Variants in TXNDC16 observed in about 807,000 individuals in gnomAD.
TXNDC16 encodes the protein thioredoxin domain-containing protein 16.
A neutral mutation model predicts 85.6 loss-of-function variants in TXNDC16; 74 were observed. That is an observed-to-expected ratio of 0.86 (90% CI 0.72 to 1.05). The LOEUF is 1.05. Ranked by LOEUF, TXNDC16 falls within the 50% of genes least tolerant of loss-of-function variation. The pLI is 0.00. For missense variants in TXNDC16, 959 were observed against 947.0 expected (o/e 1.01, Z -0.17); for synonymous variants, 335 against 326.5 (o/e 1.03, Z -0.28).
At chr14:52,494,246 C>T (rs1192371043) in intron 9 of TXNDC16, among the ~76,000 whole-genome samples, 3 of 152,120 alleles carry the variant, frequency 2.0e-5, no homozygotes, top group Non-Finnish European at 4.4e-5. Flanking sequence ...GTATAATCCC[C>T]TCCCCTGAGT....
At position 52,552,362 on chromosome 14, in the gene TXNDC16, G is replaced by C. The variant is rs918411183; in HGVS notation, c.-228C>G. 3.3e-5 allele frequency: 5 copies of C among 152,314 alleles called. No individual in the cohort carries two copies. Among genetic ancestry groups the C allele is most frequent in the African/African-American group, 9.7e-5 (4 of 41,450 alleles). The allele number at this position is 152,314 out of a possible 1,614,324, so 9.4% of individuals were successfully genotyped here. On this transcript the variant is annotated 5_prime_UTR_variant, in exon 1 of 21. Coordinates refer to ENST00000281741, the MANE Select transcript of TXNDC16 (RefSeq NM_020784.3). Reference sequence around the variant, plus strand: ...GGACCTGGGCCGTTCCCGAGGCCGCGCGGCCAACAGTTCCCGCCGCCACGC... The same window carrying C: ...GGACCTGGGCCGTTCCCGAGGCCGCCCGGCCAACAGTTCCCGCCGCCACGC...
Position 52,432,236 on chromosome 14 carries a change from T to C in TXNDC16, c.*68A>G, listed in dbSNP as rs917364491. On this transcript the variant is annotated 3_prime_UTR_variant, in exon 21 of 21. Transcript: ENST00000281741. ...TCTGCAAACTTGAAATGATTTAATATTATTCTTTAAGGAAATAAATTAAGT... is the reference window on the plus strand; with the variant it reads ...TCTGCAAACTTGAAATGATTTAATACTATTCTTTAAGGAAATAAATTAAGT... The C allele has an allele frequency of 7.2e-7, 1 of 1,385,262 alleles. No individual in the cohort carries two copies. The highest frequency in any genetic ancestry group is 1.5e-5 in the African/African-American group (1 of 68,514). The allele number at this position is 1,385,262 out of a possible 1,614,324, so 85.8% of individuals were successfully genotyped here.
chr14:52,520,157 T>C (rs1436252433), intron 6 of TXNDC16, among the ~76,000 whole-genome samples: 1 of 152,192 alleles, frequency 6.6e-6, no homozygotes, highest in Admixed American at 6.5e-5. Flanking sequence ...ACTGAAGAGT[T>C]TACTCAAAAA....
intron 13 of TXNDC16, 136 bp from the exon 14 acceptor site, chr14:52,482,425 C>G: frequency 1.4e-6 from 1 of 713,964 alleles, no homozygotes; most frequent in East Asian, 2.8e-5. Flanking sequence ...ATACATTTCT[C>G]AACATAGTCC....
rs61744423 is a variant in TXNDC16, at chr14:52,457,102, T to C, written c.1691A>G (p.Asp564Gly). 39,435 of 1,579,586 alleles carry C rather than the reference T, an allele frequency of 0.025. 591 individuals carry two copies. Among genetic ancestry groups the C allele is most frequent in the Non-Finnish European group, 0.029 (33,749 of 1,166,128 alleles). Residue 564 changes from aspartate to glycine, a missense_variant, in exon 17 of 21, where the codon GAT becomes GGT. Asp to Gly is a moderately conservative substitution (Grantham distance 94, BLOSUM62 -1). Coordinates refer to ENST00000281741, the MANE Select transcript of TXNDC16 (RefSeq NM_020784.3). ...YVITGIYSEE[D>G]VLLLSTKYAA... ...GCAATAAACTTACAGTAGCAAAACA[T>C]CTTCTTCAGAATAAATTCCAGTGAT...
chr14:52,481,231 T>C (rs2036144274), intron 14 of TXNDC16, among the ~76,000 whole-genome samples: 3 of 151,776 alleles, frequency 2.0e-5, no homozygotes, highest in Non-Finnish European at 1.5e-5. Flanking sequence ...AGGCCACAAA[T>C]TGGGTGCAGC....
At chr14:52,528,969 C>T (rs2037407669) in intron 6 of TXNDC16, among the ~76,000 whole-genome samples, 1 of 145,838 alleles carries the variant, frequency 6.9e-6, no homozygotes, top group African/African-American at 2.5e-5. Context: ...CTATATAATA[C>T]CTATTCTATA....
intron 16 of TXNDC16, among the ~76,000 whole-genome samples, chr14:52,469,027 G>T (rs1342332570): frequency 6.6e-6 from 1 of 151,766 alleles, no homozygotes; most frequent in Non-Finnish European, 1.5e-5. Flanking sequence ...GAAAAAAAAA[G>T]GAAACAGTAC....
Position 52,495,686 on chromosome 14 carries a change from T to C in TXNDC16, c.757-4681A>G, listed in dbSNP as rs80072892. ...TGCCCCCTGGCTAAAACAACTCATATCACTTCCATGTGTAAAATACACACC... is the reference window on the plus strand; with the variant it reads ...TGCCCCCTGGCTAAAACAACTCATACCACTTCCATGTGTAAAATACACACC... On this transcript the variant is annotated intron_variant, in intron 9 of 20. Transcript: ENST00000281741. Among the ~76,000 whole-genome samples, 554 of 152,254 alleles carry C rather than the reference T, an allele frequency of 3.6e-3. 2 individuals carry two copies. Among genetic ancestry groups the C allele is most frequent in the African/African-American group, 0.013 (539 of 41,540 alleles).
chr14:52,480,324 C>CT lies in TXNDC16; in HGVS notation c.1312+1905dup, dbSNP rs367543883. On this transcript the variant is annotated intron_variant, in intron 14 of 20. Transcript: ENST00000281741. ...TAAAAACAAAGATAAATAGCTGAGACTTAATTAAACTAAAGAGCTCTTGCA... is the reference window on the plus strand; with the variant it reads ...TAAAAACAAAGATAAATAGCTGAGACTTTAATTAAACTAAAGAGCTCTTGCA... Among the ~76,000 whole-genome samples the CT allele has an allele frequency of 1.5e-4, 23 of 152,108 alleles. 1 individual carries two copies. The East Asian group carries it at 4.2e-3, about 28-fold the overall frequency.
In TXNDC16 at chr14:52,515,012, G is replaced by C. The variant is rs750886122; in HGVS notation, c.515-42C>G. The C allele has an allele frequency of 8.9e-6, 13 of 1,459,670 alleles. No individual in the cohort carries two copies. In the South Asian group the frequency reaches 1.5e-4, roughly 17 times the overall value. 90.4% of individuals were successfully genotyped at this position (1,459,670 alleles called of 1,614,324 possible). A position where few individuals can be genotyped will look rare whatever the true frequency, so the allele number is the denominator to read the frequency against. Reference sequence around the variant, plus strand: ...GGGAGTTGGAAGACAGGAAAAAATAGTTTGTGTGACTCTATGTAAACTTCT... The same window carrying C: ...GGGAGTTGGAAGACAGGAAAAAATACTTTGTGTGACTCTATGTAAACTTCT... On this transcript the variant is annotated intron_variant, in intron 7 of 20. Transcript: ENST00000281741.
intron 9 of TXNDC16, among the ~76,000 whole-genome samples, chr14:52,497,880 CAAAAAAA>C (rs36007755): frequency 9.4e-5 from 9 of 95,558 alleles, no homozygotes; most frequent in African/African-American, 3.1e-4. Flanking sequence ...GACTCTGTCT[CAAAAAAA>C]AAAAAAAAAA....
At chr14:52,440,788 A>G (rs2035147027) in intron 18 of TXNDC16, 64 bp from the exon 19 acceptor site, 1 of 1,436,314 alleles carries the variant, frequency 7.0e-7, no homozygotes, top group African/African-American at 1.5e-5. Context: ...ATACCACAGA[A>G]GACATTCAAA....
intron 6 of TXNDC16, among the ~76,000 whole-genome samples, chr14:52,536,146 A>T (rs1209890959): frequency 1.3e-5 from 2 of 152,174 alleles, no homozygotes; most frequent in African/African-American, 4.8e-5. Context: ...TGATGATATT[A>T]GGAGGTTATA....
chr14:52,479,159 T>C (rs1270740596), intron 14 of TXNDC16, among the ~76,000 whole-genome samples: 1 of 152,092 alleles, frequency 6.6e-6, no homozygotes, highest in African/African-American at 2.4e-5. Flanking sequence ...ACAAGAAACA[T>C]ACCTCAAAGT....
intron 9 of TXNDC16, among the ~76,000 whole-genome samples, chr14:52,499,030 C>T (rs2036595830): frequency 6.6e-6 from 1 of 152,086 alleles, no homozygotes; most frequent in South Asian, 2.1e-4. Flanking sequence ...TGTATATGTT[C>T]AAATGATCTT....
chr14:52,438,239 C>A lies in TXNDC16; in HGVS notation c.2194+965G>T, dbSNP rs769559398. 2.8e-4 allele frequency among the ~76,000 whole-genome samples: 43 copies of A among 152,126 alleles called. 1 individual carries two copies. Among genetic ancestry groups the A allele is most frequent in the Admixed American group, 2.1e-3 (32 of 15,264 alleles). ...CAGCAGCGATTCAAAGGATTGATTCCAATTTTGAAAGAAGTTCTACTGTGA... is the reference window on the plus strand; with the variant it reads ...CAGCAGCGATTCAAAGGATTGATTCAAATTTTGAAAGAAGTTCTACTGTGA... On this transcript the variant is annotated intron_variant, in intron 20 of 20. Transcript: ENST00000281741.
intron 16 of TXNDC16, chr14:52,462,989 GAAAC>G (rs1566540657): frequency 2.2e-6 from 1 of 455,704 alleles, no homozygotes; most frequent in South Asian, 1.5e-5. Context: ...GCAAGAAAAA[GAAAC>G]AAAGGGGATA....
chr14:52,442,691 T>G (rs1012626595), intron 18 of TXNDC16, among the ~76,000 whole-genome samples: 7 of 152,150 alleles, frequency 4.6e-5, no homozygotes, highest in African/African-American at 1.7e-4. Flanking sequence ...TGTGTTAGCT[T>G]TCATCCTTTA....
Sources: gnomAD v4.1 joint callset for allele counts (sites outside exome capture counted in the v4.1 genomes callset) on GRCh38, gnomAD v4.1.1 for gene constraint, MANE v1.5 for transcripts, NCBI Gene and HGNC (gene_info 2026-07-23, HGNC 2026-07-21) for gene names.